FBN1: variants seen among roughly 807,000 people sequenced by gnomAD.
FBN1 encodes fibrillin-1.
Under a neutral mutation model 365.1 loss-of-function variants are expected in FBN1, and 29 were observed. That is an observed-to-expected ratio of 0.08 (90% CI 0.06 to 0.11). The LOEUF (loss-of-function observed/expected upper bound fraction) is 0.11, where lower values mean the gene tolerates loss of function less well. Among genes scored for constraint, FBN1 ranks in the 10% least tolerant of loss-of-function variants. The pLI, the probability that FBN1 is intolerant of heterozygous loss-of-function variation, is 1.00. For synonymous variants in FBN1, 1,210 were observed against 1,270.5 expected, an observed-to-expected ratio of 0.95 and a Z score of 1.01; for missense variants, 2,476 against 3,703.2, an observed-to-expected ratio of 0.67 and a Z score of 8.60.
chr15:48,434,265 G>A (rs749087831), intron 54 of FBN1, among the ~76,000 whole-genome samples: 2 of 152,190 alleles, frequency 1.3e-5, no homozygotes, highest in Admixed American at 6.6e-5. Context: ...GGGAGTATGA[G>A]AGACAGAAAG....
intron 55 of FBN1, among the ~76,000 whole-genome samples, chr15:48,431,320 C>CA (rs1363700932): frequency 6.6e-6 from 1 of 151,866 alleles, no homozygotes; most frequent in African/African-American, 2.4e-5. Context: ...AGTCTGGTCT[C>CA]AAACTCCTGG....
chr15:48,483,691 T>C (rs2043483666), intron 31 of FBN1, 127 bp downstream of exon 31: 2 of 1,041,260 alleles, frequency 1.9e-6, no homozygotes, highest in African/African-American at 1.6e-5. Context: ...AATATGAGTA[T>C]TGTGCCTCTA....
chr15:48,581,259 A>T (rs952716445), intron 6 of FBN1, among the ~76,000 whole-genome samples: 6 of 152,228 alleles, frequency 3.9e-5, no homozygotes, highest in African/African-American at 1.4e-4. Context: ...AGTAGTTTTT[A>T]TATGACAGAA....
chr15:48,555,657 A>G (rs2044174155), intron 6 of FBN1, among the ~76,000 whole-genome samples: 4 of 152,148 alleles, frequency 2.6e-5, no homozygotes, highest in Admixed American at 2.0e-4. Context: ...AGTCTTGTTT[A>G]TCTCTGAACT....
intron 12 of FBN1, 119 bp from the exon 13 acceptor site, chr15:48,513,787 T>G: frequency 8.6e-7 from 1 of 1,167,732 alleles, no homozygotes; most frequent in Non-Finnish European, 1.2e-6. Flanking sequence ...AATAACATAA[T>G]AAAAGGATCT....
intron 18 of FBN1, 45 bp downstream of exon 18, chr15:48,498,938 TGC>T: frequency 6.4e-7 from 1 of 1,568,350 alleles, no homozygotes; most frequent in East Asian, 2.2e-5. Flanking sequence ...AGCCTGATGC[TGC>T]CTCTGCACAT....
At chr15:48,525,504 G>C (rs938555378) in intron 9 of FBN1, among the ~76,000 whole-genome samples, 1 of 152,166 alleles carries the variant, frequency 6.6e-6, no homozygotes, top group Non-Finnish European at 1.5e-5. Flanking sequence ...GTGGGAGTGT[G>C]GGGGGACAAG....
chr15:48,528,639 G>A (rs2141346314), intron 8 of FBN1, among the ~76,000 whole-genome samples: 1 of 152,242 alleles, frequency 6.6e-6, no homozygotes, highest in African/African-American at 2.4e-5. Context: ...TTCCACCTAG[G>A]TACATGCCTT....
intron 7 of FBN1, among the ~76,000 whole-genome samples, chr15:48,536,973 T>C (rs1490895880): frequency 4.6e-5 from 7 of 152,190 alleles, no homozygotes; most frequent in Non-Finnish European, 8.8e-5. Flanking sequence ...GTTCACTTCC[T>C]CCTGTTTCCT....
At position 48,497,340 on chromosome 15, in the gene FBN1, T is replaced by C. The variant is rs2043616665; in HGVS notation, c.2219A>G (p.Glu740Gly). The C allele has an allele frequency of 8.1e-6, 13 of 1,614,006 alleles. No homozygotes were observed. The highest frequency in any genetic ancestry group is 1.1e-5 in the Non-Finnish European group (13 of 1,179,882). Reference protein sequence around the residue: ...DPDICPNGICENLRGTYKCIC... With the variant: ...DPDICPNGICGNLRGTYKCIC... ...ACATTTATAGGTCCCACGAAGGTTT[T>C]CACAGATTCCATTTGGGCAAATATC... The change falls in exon 19 of 66, where the codon GAA becomes GGA. Residue 740 changes from glutamate to glycine, a missense_variant. Coordinates refer to ENST00000316623, the MANE Select transcript of FBN1 (RefSeq NM_000138.5).
At chr15:48,497,230 C>T (rs780860683) in intron 19 of FBN1, 36 bp downstream of exon 19, 2 of 1,613,640 alleles carry the variant, frequency 1.2e-6, no homozygotes, top group Non-Finnish European at 1.7e-6. Flanking sequence ...ATGCATTATG[C>T]AGGCAATGTT....
At chr15:48,497,000 T>C (rs758767849) in intron 19 of FBN1, among the ~76,000 whole-genome samples, 1 of 152,168 alleles carries the variant, frequency 6.6e-6, no homozygotes, top group Non-Finnish European at 1.5e-5. Context: ...GAGCTTCTCT[T>C]TGAAGGAGTG....
At chr15:48,640,672 G>C (rs1890182230) in intron 2 of FBN1, among the ~76,000 whole-genome samples, 1 of 152,110 alleles carries the variant, frequency 6.6e-6, no homozygotes, top group Admixed American at 6.5e-5. Flanking sequence ...CACACACAAG[G>C]GGACAAATTG....
intron 44 of FBN1, among the ~76,000 whole-genome samples, chr15:48,453,949 C>T (rs760873037): frequency 6.6e-6 from 1 of 152,104 alleles, no homozygotes; most frequent in African/African-American, 2.4e-5. Flanking sequence ...TCTAATGATG[C>T]TCACATCTAA....
At chr15:48,629,862 T>C (rs1413007345) in intron 2 of FBN1, among the ~76,000 whole-genome samples, 1 of 152,238 alleles carries the variant, frequency 6.6e-6, no homozygotes, top group African/African-American at 2.4e-5. Context: ...TGCCACACTT[T>C]TGTTTTCTGT....
intron 14 of FBN1, among the ~76,000 whole-genome samples, chr15:48,509,116 T>C (rs1228045416): frequency 6.6e-6 from 1 of 152,178 alleles, no homozygotes; most frequent in Non-Finnish European, 1.5e-5. Flanking sequence ...TTAGTGGAAT[T>C]TGAAATGTAT....
chr15:48,487,253 C>T (rs550038229), intron 28 of FBN1, 53 bp from the exon 29 acceptor site: 2 of 1,614,110 alleles, frequency 1.2e-6, no homozygotes, highest in African/African-American at 1.3e-5. Flanking sequence ...CCAACTTTGG[C>T]AATGATGTCA....
At chr15:48,622,870 C>T (rs1889795855) in intron 2 of FBN1, among the ~76,000 whole-genome samples, 1 of 152,184 alleles carries the variant, frequency 6.6e-6, no homozygotes, top group South Asian at 2.1e-4. Context: ...TATATCAGCT[C>T]TTCCATCTTT....
At chr15:48,489,761 G>A in intron 25 of FBN1, 90 bp downstream of exon 25, 2 of 1,004,252 alleles carry the variant, frequency 2.0e-6, no homozygotes, top group Non-Finnish European at 1.6e-6. Flanking sequence ...GTCCATGCTG[G>A]GATGATCAAG....
Sources: allele counts gnomAD v4.1 joint callset (sites outside exome capture counted in the v4.1 genomes callset), GRCh38; gene constraint gnomAD v4.1.1; transcripts MANE v1.5; gene names NCBI Gene and HGNC (gene_info 2026-07-23, HGNC 2026-07-21).